The following SORBS2 variants were observed in gnomAD, a reference collection of about 807,000 sequenced individuals.
SORBS2 encodes sorbin and SH3 domain containing 2.
Under a neutral mutation model 97.7 loss-of-function variants are expected in SORBS2, and 46 were observed. The observed-to-expected ratio is 0.47, with a 90% CI of 0.37 to 0.60. The LOEUF is 0.60. Ranked by LOEUF, SORBS2 falls within the 20% of genes least tolerant of loss-of-function variation. The pLI is 0.00. For synonymous variants in SORBS2, 476 were observed against 473.4 expected, an observed-to-expected ratio of 1.01 and a Z score of -0.07; for missense variants, 1,316 against 1,282.3, an observed-to-expected ratio of 1.03 and a Z score of -0.40.
In SORBS2 at chr4:185,798,057, A is replaced by C. The variant is rs146861923; in HGVS notation, c.-337-22691T>G. ...GTAGCAAGTCGACTAGTCACCACTGAACATACGCAGCCTGGAGAATCAGAG... is the reference window on the plus strand; with the variant it reads ...GTAGCAAGTCGACTAGTCACCACTGCACATACGCAGCCTGGAGAATCAGAG... On this transcript the variant is annotated intron_variant, in intron 1 of 20. Coordinates refer to the SORBS2 transcript ENST00000284776. Among the ~76,000 whole-genome samples the C allele has an allele frequency of 2.0e-4, 31 of 152,292 alleles. No homozygotes were observed. In the East Asian group the frequency reaches 6.0e-3, roughly 29 times the overall value.
At chr4:185,714,892 A>G (rs2098453093) in intron 2 of SORBS2, among the ~76,000 whole-genome samples, 1 of 152,218 alleles carries the variant, frequency 6.6e-6, no homozygotes, top group South Asian at 2.1e-4. Context: ...GAGCCAAACC[A>G]TATCAACAGG....
intron 4 of SORBS2, among the ~76,000 whole-genome samples, chr4:185,636,766 G>C (rs949150323): frequency 1.3e-5 from 2 of 151,242 alleles, no homozygotes; most frequent in East Asian, 3.9e-4. Flanking sequence ...CTCCTGCCTC[G>C]GTCTCCCAAG....
At chr4:185,813,496 C>A (rs527766379) in intron 1 of SORBS2, among the ~76,000 whole-genome samples, 115 of 152,268 alleles carry the variant, frequency 7.6e-4, no homozygotes, top group African/African-American at 2.7e-3. Flanking sequence ...GCCAGCCTAC[C>A]TTTTCTCACT....
chr4:185,623,701 C>T lies in SORBS2; in HGVS notation c.1428G>A (p.Gln476=), dbSNP rs1255848803. 3 of 1,613,852 alleles carry T rather than the reference C, an allele frequency of 1.9e-6. No homozygotes were observed. The highest frequency in any genetic ancestry group is 2.5e-6 in the Non-Finnish European group (3 of 1,180,028). The change falls in exon 7 of 15, where the codon CAG becomes CAA. Residue 476 remains glutamine (Q), a synonymous_variant. Transcript: ENST00000418609. This position sits in a 1 kb window ranked among gnomAD's most constrained non-coding sequence, Gnocchi z 6.4. Reference sequence around the variant, plus strand: ...TGTGAATGGGCACCAGGGCGTTAGACTGGCAGCCTCGCCGGCCCCGAGCGG... The same window carrying T: ...TGTGAATGGGCACCAGGGCGTTAGATTGGCAGCCTCGCCGGCCCCGAGCGG...
At chr4:185,923,966 T>C (rs1219784582) in intron 1 of SORBS2, among the ~76,000 whole-genome samples, 2 of 152,266 alleles carry the variant, frequency 1.3e-5, no homozygotes, top group Non-Finnish European at 2.9e-5. Flanking sequence ...TCCTTTGCGA[T>C]GTGTATTACT....
At chr4:185,784,538 G>C (rs972261758) in intron 1 of SORBS2, among the ~76,000 whole-genome samples, 1 of 152,156 alleles carries the variant, frequency 6.6e-6, no homozygotes, top group African/African-American at 2.4e-5. Flanking sequence ...ATGGAGAGAG[G>C]ATAGAGAGGA....
chr4:185,931,360 T>C (rs1436350839), intron 1 of SORBS2, among the ~76,000 whole-genome samples: 4 of 152,172 alleles, frequency 2.6e-5, no homozygotes, highest in African/African-American at 9.7e-5. Flanking sequence ...AAAAAAATAT[T>C]CATGACACTT....
chr4:185,931,148 T>C (rs2099266253), intron 1 of SORBS2, among the ~76,000 whole-genome samples: 1 of 152,190 alleles, frequency 6.6e-6, no homozygotes. Context: ...TGATTCATCA[T>C]TTTTATGCTA....
chr4:185,595,848 T>C (rs1423415592), intron 12 of SORBS2, among the ~76,000 whole-genome samples: 1 of 152,160 alleles, frequency 6.6e-6, no homozygotes, highest in African/African-American at 2.4e-5. Context: ...AACTATTCTT[T>C]AGAATATATT....
chr4:185,955,911 G>T (rs993606985), intron 1 of SORBS2, among the ~76,000 whole-genome samples: 1 of 152,006 alleles, frequency 6.6e-6, no homozygotes, highest in Admixed American at 6.6e-5. Flanking sequence ...GAATGTGATG[G>T]TTGAAAGCTG....
chr4:185,623,527 T>A lies in SORBS2; in HGVS notation c.1602A>T (p.Thr534=). 6.2e-7 allele frequency: 1 copy of A among 1,613,956 alleles called. No homozygotes were observed. The highest frequency in any genetic ancestry group is 2.2e-5 in the East Asian group (1 of 44,858). The change falls in exon 7 of 15, where the codon ACA becomes ACT. Residue 534 remains threonine (T), a synonymous_variant. Coordinates refer to ENST00000418609, the Ensembl canonical transcript of SORBS2. This position sits in a 1 kb window ranked among gnomAD's most constrained non-coding sequence, Gnocchi z 6.4. ...TGGATCCGTAAAAGCTTTCGGAGGA[T>A]GTGAAGGAAAAGTGATCAAAGTCAC... is the stretch of plus-strand genomic sequence containing the variant.
chr4:185,721,848 C>T (rs1348376566), intron 2 of SORBS2, among the ~76,000 whole-genome samples: 4 of 152,096 alleles, frequency 2.6e-5, no homozygotes, highest in Admixed American at 2.6e-4. Flanking sequence ...ACTTTGGTTC[C>T]GTATAATTAG....
intron 12 of SORBS2, among the ~76,000 whole-genome samples, chr4:185,604,501 G>T (rs544233562): frequency 6.6e-6 from 1 of 152,270 alleles, no homozygotes; most frequent in South Asian, 2.1e-4. Context: ...GGGTGTGGGT[G>T]CTTGCTCTCC....
chr4:185,767,105 C>G (rs1056919921), intron 2 of SORBS2, among the ~76,000 whole-genome samples: 1 of 152,088 alleles, frequency 6.6e-6, no homozygotes, highest in Non-Finnish European at 1.5e-5. Flanking sequence ...TCTTCACCTC[C>G]CGTGCTTGTT....
intron 1 of SORBS2, among the ~76,000 whole-genome samples, chr4:185,813,995 C>T (rs1038740960): frequency 1.2e-4 from 19 of 152,094 alleles, no homozygotes; most frequent in South Asian, 2.1e-4. Flanking sequence ...TGAGGACCTA[C>T]GACACTGTAT....
intron 1 of SORBS2, among the ~76,000 whole-genome samples, chr4:185,858,177 C>T (rs563454309): frequency 1.3e-5 from 2 of 152,206 alleles, no homozygotes; most frequent in African/African-American, 2.4e-5. Flanking sequence ...TTTCTCAGAC[C>T]GGCTGACACT....
At chr4:185,827,240 TCAC>T (rs1585258003) in intron 1 of SORBS2, among the ~76,000 whole-genome samples, 6 of 98,342 alleles carry the variant, frequency 6.1e-5, no homozygotes, top group Non-Finnish European at 8.9e-5. Context: ...ATCATCACCA[TCAC>T]CACCATCATC....
intron 1 of SORBS2, among the ~76,000 whole-genome samples, chr4:185,929,933 C>A (rs76987263): frequency 6.6e-6 from 1 of 152,260 alleles, no homozygotes; most frequent in African/African-American, 2.4e-5. Flanking sequence ...CAGTTTATTT[C>A]ACTCTCAAGC....
intron 1 of SORBS2, among the ~76,000 whole-genome samples, chr4:185,806,846 G>T (rs2099159130): frequency 6.6e-6 from 1 of 152,162 alleles, no homozygotes; most frequent in Non-Finnish European, 1.5e-5. Flanking sequence ...GAATTGAATA[G>T]AACATCAGAA....
Sources: gnomAD v4.1 joint callset for allele counts (sites outside exome capture counted in the v4.1 genomes callset) on GRCh38, gnomAD v4.1.1 for gene constraint, Gnocchi (gnomAD v3.1) non-coding constraint, MANE v1.5 for transcripts, NCBI Gene and HGNC (gene_info 2026-07-23, HGNC 2026-07-21) for gene names.